The following PCSK2 variants were observed in gnomAD, a reference collection of about 807,000 sequenced individuals.
PCSK2 encodes neuroendocrine convertase 2.
PCSK2 carries 14 observed loss-of-function variants against 69.7 expected under a neutral mutation model. The observed-to-expected ratio is 0.20, with a 90% CI of 0.13 to 0.31. PCSK2 has a LOEUF of 0.31. Ranked by LOEUF, PCSK2 falls within the 10% of genes least tolerant of loss-of-function variation. The probability of loss-of-function intolerance (pLI) is 1.00; values close to 1 mark genes in which losing one functional copy is unlikely to be tolerated. For missense variants in PCSK2, 544 were observed against 842.5 expected, an observed-to-expected ratio of 0.65 and a Z score of 4.39; for synonymous variants, 307 against 320.7, an observed-to-expected ratio of 0.96 and a Z score of 0.46.
chr20:17,353,118 C>G (rs1443868803), intron 2 of PCSK2, among the ~76,000 whole-genome samples: 2 of 152,090 alleles, frequency 1.3e-5, no homozygotes, highest in Non-Finnish European at 2.9e-5. Context: ...AAAAGCAAAT[C>G]AAAAACCACA....
At chr20:17,270,365 A>G (rs1047427758) in intron 2 of PCSK2, among the ~76,000 whole-genome samples, 1 of 152,162 alleles carries the variant, frequency 6.6e-6, no homozygotes, top group Admixed American at 6.6e-5. Context: ...GTGGAATTGA[A>G]TTCCTGCCAT....
intron 2 of PCSK2, among the ~76,000 whole-genome samples, chr20:17,333,910 C>CATATATATATTTATAT (rs1990271064): frequency 1.2e-5 from 1 of 86,372 alleles, no homozygotes; most frequent in Non-Finnish European, 2.4e-5. Flanking sequence ...TAAGTCACTG[C>CATATATATATTTATAT]ATATATATAT....
At chr20:17,397,036 C>T (rs1189347618) in intron 5 of PCSK2, among the ~76,000 whole-genome samples, 1 of 152,196 alleles carries the variant, frequency 6.6e-6, no homozygotes, top group South Asian at 2.1e-4. Flanking sequence ...TGAGGCCAAG[C>T]AAAGACTTGA....
At chr20:17,454,183 A>G (rs947481770) in intron 9 of PCSK2, among the ~76,000 whole-genome samples, 3 of 152,128 alleles carry the variant, frequency 2.0e-5, no homozygotes, top group Admixed American at 6.5e-5. Flanking sequence ...TCCTTTCTGG[A>G]TCGTTTTCCA....
chr20:17,409,963 A>G (rs1258754618), intron 6 of PCSK2, among the ~76,000 whole-genome samples: 2 of 152,218 alleles, frequency 1.3e-5, no homozygotes, highest in Non-Finnish European at 2.9e-5. Context: ...ATTACATATA[A>G]GAGATATGAA....
intron 2 of PCSK2, among the ~76,000 whole-genome samples, chr20:17,294,029 A>G (rs1039955193): frequency 1.3e-5 from 2 of 149,146 alleles, no homozygotes; most frequent in African/African-American, 5.0e-5. Flanking sequence ...GGTAATTTAC[A>G]TGTTCCTTGA....
intron 1 of PCSK2, among the ~76,000 whole-genome samples, chr20:17,248,354 TAAG>T (rs1247935794): frequency 1.3e-5 from 2 of 152,156 alleles, no homozygotes; most frequent in African/African-American, 4.8e-5. Context: ...GCAGTCTACT[TAAG>T]AATCTCAGGA....
intron 11 of PCSK2, among the ~76,000 whole-genome samples, chr20:17,477,682 C>A (rs1451934123): frequency 6.6e-6 from 1 of 152,000 alleles, no homozygotes; most frequent in Non-Finnish European, 1.5e-5. Context: ...CATGGTATTC[C>A]TACAAGAATC....
chr20:17,229,534 A>G (rs1238917901), intron 1 of PCSK2, among the ~76,000 whole-genome samples: 3 of 151,538 alleles, frequency 2.0e-5, no homozygotes, highest in Non-Finnish European at 2.9e-5. Flanking sequence ...CCTTAGGATC[A>G]GAGATCAGAT....
intron 2 of PCSK2, among the ~76,000 whole-genome samples, chr20:17,303,667 C>T (rs1989232595): frequency 6.9e-6 from 1 of 145,138 alleles, no homozygotes; most frequent in Admixed American, 7.1e-5. Context: ...ACCTCTGCCT[C>T]CCGAGTTCAA....
At position 17,481,626 on chromosome 20, in the gene PCSK2, C is replaced by T. The variant is rs544000303; in HGVS notation, c.1473C>T (p.Thr491=). The T allele has an allele frequency of 8.1e-6, 13 of 1,613,970 alleles. No homozygotes were observed. Among genetic ancestry groups the T allele is most frequent in the East Asian group, 4.5e-5 (2 of 44,862 alleles). Residue 491 remains threonine, a synonymous_variant, in exon 12 of 12, where the codon ACC becomes ACT. Transcript: ENST00000262545. Reference sequence around the variant, plus strand: ...GCAAGTTGGTGCTGACACTCACAACCGACGCCTGTGAGGGGAAGGAAAATT... The same window carrying T: ...GCAAGTTGGTGCTGACACTCACAACTGACGCCTGTGAGGGGAAGGAAAATT... The part of the protein sequence containing the change: ...STGKLVLTLT[T]DACEGKENFV...
intron 2 of PCSK2, among the ~76,000 whole-genome samples, chr20:17,286,307 A>C (rs1988508227): frequency 6.6e-6 from 1 of 152,254 alleles, no homozygotes; most frequent in African/African-American, 2.4e-5. Context: ...GTGTATAACA[A>C]AACCCAGATG....
chr20:17,328,837 G>T (rs1438220224), intron 2 of PCSK2, among the ~76,000 whole-genome samples: 1 of 152,092 alleles, frequency 6.6e-6, no homozygotes, highest in Admixed American at 6.6e-5. Flanking sequence ...GGGAGTTGTC[G>T]ACAGTCATGA....
chr20:17,384,098 C>T (rs961135123), intron 5 of PCSK2, among the ~76,000 whole-genome samples: 2 of 152,104 alleles, frequency 1.3e-5, no homozygotes, highest in Non-Finnish European at 2.9e-5. Context: ...CTTGTCTGTG[C>T]GTGTGCCATT....
chr20:17,396,316 C>A (rs1400254773), intron 5 of PCSK2, among the ~76,000 whole-genome samples: 8 of 152,160 alleles, frequency 5.3e-5, no homozygotes, highest in African/African-American at 1.9e-4. Flanking sequence ...CCCCTTCAAC[C>A]CTCAGCCTTC....
At chr20:17,363,418 A>G (rs1038292877) in intron 4 of PCSK2, among the ~76,000 whole-genome samples, 8 of 152,224 alleles carry the variant, frequency 5.3e-5, no homozygotes, top group Non-Finnish European at 7.3e-5. Flanking sequence ...ATTATTTCTT[A>G]AGGGTCTACT....
intron 5 of PCSK2, among the ~76,000 whole-genome samples, chr20:17,398,477 T>C (rs994749294): frequency 3.4e-5 from 5 of 147,368 alleles, no homozygotes; most frequent in Admixed American, 2.1e-4. Context: ...TGAGGGATGA[T>C]TGTGCCACTG....
chr20:17,424,423 G>A (rs2032200477), intron 6 of PCSK2, among the ~76,000 whole-genome samples: 1 of 152,170 alleles, frequency 6.6e-6, no homozygotes, highest in Admixed American at 6.5e-5. Context: ...GCAAAGAGGG[G>A]AAGGAATGGC....
chr20:17,378,485 C>T (rs1312875486), intron 5 of PCSK2, among the ~76,000 whole-genome samples: 1 of 152,214 alleles, frequency 6.6e-6, no homozygotes, highest in Non-Finnish European at 1.5e-5. Flanking sequence ...AGGGTAATGT[C>T]TTCCAACTCT....
Sources: gnomAD v4.1 joint callset for allele counts (sites outside exome capture counted in the v4.1 genomes callset) on GRCh38, gnomAD v4.1.1 for gene constraint, MANE v1.5 for transcripts, NCBI Gene and HGNC (gene_info 2026-07-23, HGNC 2026-07-21) for gene names.